HRG: variants seen among roughly 807,000 people sequenced by gnomAD.
HRG encodes histidine rich glycoprotein, also known as histidine-rich glycoprotein.
In HRG, 26 loss-of-function variants were observed where a neutral mutation model predicts 29.5. That is an observed-to-expected ratio of 0.88 (90% CI 0.65 to 1.22). The LOEUF (loss-of-function observed/expected upper bound fraction) is 1.22, where lower values mean the gene tolerates loss of function less well. Ranked by LOEUF, HRG falls within the 50% of genes most tolerant of loss-of-function variation. The pLI, the probability that HRG is intolerant of heterozygous loss-of-function variation, is 0.00. For missense variants in HRG, 671 were observed against 654.5 expected (o/e 1.03, Z -0.28); for synonymous variants, 243 against 240.4 (o/e 1.01, Z -0.10).
In HRG at chr3:186,668,990, T is replaced by C. The variant is rs769505098; in HGVS notation, c.239T>C (p.Val80Ala). ...GATGTGCAAGAATCGGACTGTTCGG[T>C]CCTATCCAGGAAATACTGGAATGAC... The part of the protein sequence containing the change: ...VLDVQESDCS[V>A]LSRKYWNDCE... The change falls in exon 2 of 7, where the codon GTC (valine) becomes GCC (alanine). Residue 80 changes from valine to alanine, a missense_variant. Transcript: ENST00000232003. The C allele has an allele frequency of 4.3e-6, 7 of 1,613,154 alleles. No homozygotes were observed. Among genetic ancestry groups the C allele is most frequent in the Middle Eastern group, 1.7e-4 (1 of 6,060 alleles).
chr3:186,677,706 T>A lies in HRG; in HGVS notation c.1401T>A (p.Gly467=), dbSNP rs749764451. The A allele has an allele frequency of 1.9e-6, 3 of 1,611,728 alleles. No homozygotes were observed. The highest frequency in any genetic ancestry group is 8.5e-7 in the Non-Finnish European group (1 of 1,177,942). ...ACCGACTCCCTCCTCTAAGAAAAGG[T>A]GAGGTGCTGCCACTTCCTGAGGCCA... ...SVYRLPPLRK[G]EVLPLPEANF... Residue 467 remains glycine, a synonymous_variant, in exon 7 of 7, where the codon GGT becomes GGA. Coordinates refer to ENST00000232003, the MANE Select transcript of HRG (RefSeq NM_000412.5).
chr3:186,666,907 C>T (rs1236707628), intron 1 of HRG: 1 of 144,820 alleles, frequency 6.9e-6, no homozygotes, highest in African/African-American at 2.5e-5. Context: ...AGCTAGACTC[C>T]ATCTCAAAAA....
intron 5 of HRG, chr3:186,674,269 C>G (rs2108580121): frequency 6.6e-6 from 1 of 152,440 alleles, no homozygotes. Context: ...AGTTGAAGCA[C>G]CAGAGCTGAA....
chr3:186,672,052 G>A (rs1386528063), intron 4 of HRG, among the ~76,000 whole-genome samples: 1 of 151,970 alleles, frequency 6.6e-6, no homozygotes, highest in Non-Finnish European at 1.5e-5. Context: ...GAGGAAACAG[G>A]GAAAGACAAG....
In HRG at chr3:186,675,087, A is replaced by T; in HGVS notation, c.640-2A>T. On this transcript the variant is annotated splice_acceptor_variant, in intron 5 of 6. Transcript: ENST00000232003. LOFTEE classifies it high-confidence loss of function. ...CACTAACAGCTCCTCATTCCTTTGT[A>T]GGTCTTTGGATTCTGCAGAGCAGAT... The T allele has an allele frequency of 6.2e-7, 1 of 1,605,224 alleles. No homozygotes were observed. The highest frequency in any genetic ancestry group is 8.5e-7 in the Non-Finnish European group (1 of 1,171,950).
Position 186,675,107 on chromosome 3 carries a change from G to A in HRG, c.658G>A (p.Ala220Thr), listed in dbSNP as rs1486443208. The A allele has an allele frequency of 6.2e-7, 1 of 1,613,210 alleles. No homozygotes were observed. The highest frequency in any genetic ancestry group is 1.3e-5 in the African/African-American group (1 of 74,904). Residue 220 changes from alanine to threonine, a missense_variant, in exon 6 of 7, where the codon GCA (alanine) becomes ACA (threonine). Transcript: ENST00000232003. Reference protein sequence around the residue: ...RHPNVFGFCRADLFYDVEALD... With the variant: ...RHPNVFGFCRTDLFYDVEALD... Reference sequence around the variant, plus strand: ...TTTGTAGGTCTTTGGATTCTGCAGAGCAGATTTGTTCTATGATGTAGAAGC... The same window carrying A: ...TTTGTAGGTCTTTGGATTCTGCAGAACAGATTTGTTCTATGATGTAGAAGC...
In HRG at chr3:186,677,184, C is replaced by G. The variant is rs778883139; in HGVS notation, c.879C>G (p.His293Gln). 8 of 1,613,988 alleles carry G rather than the reference C, an allele frequency of 5.0e-6. No individual in the cohort carries two copies. In the South Asian group the frequency reaches 8.8e-5, roughly 18 times the overall value. Reference protein sequence around the residue: ...SRDHHHPHKPHEHGPPPPPDE... With the variant: ...SRDHHHPHKPQEHGPPPPPDE... Reference sequence around the variant, plus strand: ...ATCATCATCATCCCCACAAGCCACACGAACATGGACCCCCACCTCCTCCAG... The same window carrying G: ...ATCATCATCATCCCCACAAGCCACAGGAACATGGACCCCCACCTCCTCCAG... The change falls in exon 7 of 7, where the codon CAC becomes CAG. Residue 293 changes from histidine to glutamine, a missense_variant. By Grantham distance (24) the His-to-Gln change is conservative. Transcript: ENST00000232003.
rs778883139 is a variant in HRG, at chr3:186,677,184, C to T, written c.879C>T (p.His293=). 9 of 1,613,870 alleles carry T rather than the reference C, an allele frequency of 5.6e-6. No homozygotes were observed. The highest frequency in any genetic ancestry group is 2.7e-5 in the African/African-American group (2 of 74,852). The change falls in exon 7 of 7, where the codon CAC becomes CAT. Residue 293 remains histidine, a synonymous_variant. Transcript: ENST00000232003. ...ATCATCATCATCCCCACAAGCCACA[C>T]GAACATGGACCCCCACCTCCTCCAG... ...SRDHHHPHKP[H]EHGPPPPPDE...
chr3:186,668,127 G>T (rs1293161369), intron 1 of HRG, among the ~76,000 whole-genome samples: 1 of 152,204 alleles, frequency 6.6e-6, no homozygotes, highest in African/African-American at 2.4e-5. Context: ...ATCAACACAT[G>T]TTAGGGCATA....
At position 186,677,843 on chromosome 3, in the gene HRG, C is replaced by T. The variant is rs1719058066; in HGVS notation, c.1538C>T (p.Pro513Leu). 4 of 1,614,088 alleles carry T rather than the reference C, an allele frequency of 2.5e-6. No individual in the cohort carries two copies. The highest frequency in any genetic ancestry group is 1.6e-4 in the Middle Eastern group (1 of 6,062). Residue 513 changes from proline to leucine, a missense_variant, in exon 7 of 7, where the codon CCA (proline) becomes CTA (leucine). Physicochemically the swap from Pro to Leu is moderately conservative, Grantham distance 98 (BLOSUM62 -3). Coordinates refer to ENST00000232003, the MANE Select transcript of HRG (RefSeq NM_000412.5). ...CCAGGGAAGTTCAAGAGTGGGTTTC[C>T]ACAAGTTTCCATGTTTTTTACACAT... is the stretch of plus-strand genomic sequence containing the variant. ...SCPGKFKSGF[P>L]QVSMFFTHTF...
chr3:186,667,088 C>A (rs1165281873), intron 1 of HRG: 1 of 152,178 alleles, frequency 6.6e-6, no homozygotes, highest in Non-Finnish European at 1.5e-5. Flanking sequence ...AGGCTGTAAT[C>A]TAAGAGTCAT....
rs371179842 is a variant in HRG at position 186,677,914 on chromosome 3, A to C, written c.*31A>C. On this transcript the variant is annotated 3_prime_UTR_variant, in exon 7 of 7. Coordinates refer to ENST00000232003, the MANE Select transcript of HRG (RefSeq NM_000412.5). ...GATTCCTTTGAAGAGGAAAATGAAT[A>C]ATACATTGAATTAGAAACATAAATA... 6 of 1,568,314 alleles carry C rather than the reference A, an allele frequency of 3.8e-6. No individual in the cohort carries two copies. The African/African-American group carries it at 8.1e-5, about 21-fold the overall frequency.
At chr3:186,676,241 G>A (rs1718984084) in intron 6 of HRG, among the ~76,000 whole-genome samples, 1 of 152,050 alleles carries the variant, frequency 6.6e-6, no homozygotes, top group African/African-American at 2.4e-5. Flanking sequence ...TCAGCCTTTA[G>A]GAGTAAGGGA....
rs376552502 is a variant in HRG, at chr3:186,677,606, C to A, written c.1301C>A (p.Pro434Gln). 9.3e-6 allele frequency: 15 copies of A among 1,614,044 alleles called. No individual in the cohort carries two copies. The highest frequency in any genetic ancestry group is 1.1e-5 in the Non-Finnish European group (13 of 1,180,028). ...CACTGTTGCCATGGCCACGGCCCAC[C>A]ACCTGGGCACTTAAGAAGGCGAGGC... ...QGHCCHGHGP[P>Q]PGHLRRRGPG... is the part of the protein sequence containing the mutation. The change falls in exon 7 of 7, where the codon CCA (proline) becomes CAA (glutamine). Residue 434 changes from proline to glutamine, a missense_variant. Pro to Gln is a moderately conservative substitution (Grantham distance 76, BLOSUM62 -1). Coordinates refer to ENST00000232003, the MANE Select transcript of HRG (RefSeq NM_000412.5).
intron 6 of HRG, 107 bp from the exon 7 acceptor site, chr3:186,676,940 A>G: frequency 7.8e-7 from 1 of 1,276,720 alleles, no homozygotes; most frequent in Non-Finnish European, 1.1e-6. Flanking sequence ...TTTTAAATTG[A>G]TTTGTGGAAT....
intron 2 of HRG, chr3:186,669,624 T>C (rs1483076716): frequency 7.3e-6 from 3 of 411,386 alleles, no homozygotes; most frequent in East Asian, 5.5e-5. Flanking sequence ...AGATTCAAGA[T>C]TTCATTTCCA....
chr3:186,666,083 G>A lies in HRG; in HGVS notation c.52G>A (p.Ala18Thr). The part of the protein sequence containing the change: ...LLLITLQYSC[A>T]VSPTDCSAVE... The stretch of plus-strand genomic sequence containing the variant: ...TTTGATCACATTGCAGTATTCGTGT[G>A]CCGTGAGTCCCACTGACTGCAGTGC... The change falls in exon 1 of 7, where the codon GCC becomes ACC. Residue 18 changes from alanine (A) to threonine (T), a missense_variant. By Grantham distance (58) the Ala-to-Thr change is moderately conservative. Coordinates refer to ENST00000232003, the MANE Select transcript of HRG (RefSeq NM_000412.5). 6.2e-7 allele frequency: 1 copy of A among 1,614,208 alleles called. No individual in the cohort carries two copies. The highest frequency in any genetic ancestry group is 1.1e-5 in the South Asian group (1 of 91,080).
chr3:186,671,258 CATATG>C (rs1579075669), intron 3 of HRG, among the ~76,000 whole-genome samples: 3 of 145,096 alleles, frequency 2.1e-5, no homozygotes, highest in South Asian at 2.1e-4. Flanking sequence ...AATATAAAAA[CATATG>C]ATATATTATA....
chr3:186,676,581 G>T (rs1457011483), intron 6 of HRG, among the ~76,000 whole-genome samples: 1 of 151,058 alleles, frequency 6.6e-6, no homozygotes, highest in Non-Finnish European at 1.5e-5. Flanking sequence ...TCAACATGGT[G>T]AAACCTGTCT....
Sources: gnomAD v4.1 joint callset for allele counts (sites outside exome capture counted in the v4.1 genomes callset) on GRCh38, gnomAD v4.1.1 for gene constraint, MANE v1.5 for transcripts, NCBI Gene and HGNC (gene_info 2026-07-23, HGNC 2026-07-21) for gene names.